The following BMERB1 variants were observed in gnomAD, a reference collection of about 807,000 sequenced individuals.
BMERB1 encodes bMERB domain containing 1.
BMERB1 carries 12 observed loss-of-function variants against 23.6 expected under a neutral mutation model. The observed-to-expected ratio is 0.51, with a 90% CI of 0.33 to 0.82. The LOEUF (loss-of-function observed/expected upper bound fraction) is 0.82, where lower values mean the gene tolerates loss of function less well. BMERB1 is among the 40% of genes least tolerant of loss of function. The pLI is 0.03. For synonymous variants in BMERB1, 122 were observed against 96.6 expected, an observed-to-expected ratio of 1.26 and a Z score of -1.54; for missense variants, 247 against 255.4, an observed-to-expected ratio of 0.97 and a Z score of 0.22.
intron 1 of BMERB1, among the ~76,000 whole-genome samples, chr16:15,446,158 C>G (rs545298751): frequency 3.3e-5 from 5 of 152,282 alleles, no homozygotes; most frequent in South Asian, 2.1e-4. Context: ...ACTTGGGAGG[C>G]TGAGGCAGAA....
chr16:15,466,650 C>G (rs921134786), intron 1 of BMERB1, among the ~76,000 whole-genome samples: 1 of 152,076 alleles, frequency 6.6e-6, no homozygotes, highest in Non-Finnish European at 1.5e-5. Context: ...AATACAGTAT[C>G]AAAGACAGGA....
chr16:15,495,968 T>TGGC (rs1407748077), intron 1 of BMERB1, among the ~76,000 whole-genome samples: 2 of 152,032 alleles, frequency 1.3e-5, no homozygotes, highest in Non-Finnish European at 2.9e-5. Context: ...ATGGTGGTGG[T>TGGC]GGCAATGATG....
At chr16:15,515,023 A>G (rs1225040343) in intron 1 of BMERB1, among the ~76,000 whole-genome samples, 1 of 152,188 alleles carries the variant, frequency 6.6e-6, no homozygotes, top group African/African-American at 2.4e-5. Flanking sequence ...TGGAGCTTGC[A>G]GTGAGCCGAG....
chr16:15,542,889 C>T (rs968774892), intron 2 of BMERB1, among the ~76,000 whole-genome samples: 3 of 151,904 alleles, frequency 2.0e-5, no homozygotes, highest in African/African-American at 7.3e-5. Context: ...GGGCTCTGGT[C>T]CCATGGCAGC....
intron 2 of BMERB1, among the ~76,000 whole-genome samples, chr16:15,535,648 CA>C (rs34379447): frequency 0.01 from 1,015 of 100,628 alleles, 5 homozygotes; most frequent in African/African-American, 0.032. Flanking sequence ...GACTCCATCT[CA>C]AAAAAAAAAA....
chr16:15,503,254 C>G (rs1049012956), intron 1 of BMERB1, among the ~76,000 whole-genome samples: 11 of 152,118 alleles, frequency 7.2e-5, no homozygotes, highest in African/African-American at 2.7e-4. Flanking sequence ...AAATATTTCA[C>G]CCTGTTATAT....
intron 3 of BMERB1, among the ~76,000 whole-genome samples, chr16:15,579,230 G>A (rs1288651850): frequency 2.0e-5 from 3 of 152,196 alleles, no homozygotes; most frequent in African/African-American, 7.2e-5. Context: ...TCCTGAGTGA[G>A]CAGGGGTCCT....
At chr16:15,444,123 GTTTTTTTTTTTTTTTT>G (rs150793082) in intron 1 of BMERB1, among the ~76,000 whole-genome samples, 2 of 35,610 alleles carry the variant, frequency 5.6e-5, no homozygotes, top group South Asian at 2.6e-3. Flanking sequence ...CACCAGCTTT[GTTTTTTTTTTTTTTTT>G]TTTTTTTTTT....
At chr16:15,452,857 AAGACAGCATTTC>A (rs1242774866) in intron 1 of BMERB1, among the ~76,000 whole-genome samples, 2 of 152,180 alleles carry the variant, frequency 1.3e-5, no homozygotes, top group African/African-American at 4.8e-5. Context: ...CCAGTTCCCT[AAGACAGCATTTC>A]ACGGGTGAGG....
intron 3 of BMERB1, among the ~76,000 whole-genome samples, chr16:15,580,291 G>A (rs887117638): frequency 4.6e-5 from 7 of 151,964 alleles, no homozygotes; most frequent in Non-Finnish European, 1.0e-4. Context: ...TGTAGACATA[G>A]GAGGGTCTCA....
chr16:15,576,121 C>G (rs959109374), intron 3 of BMERB1, among the ~76,000 whole-genome samples: 8 of 150,860 alleles, frequency 5.3e-5, no homozygotes, highest in African/African-American at 2.0e-4. Flanking sequence ...TCACTGCAGT[C>G]TCCGCCTCCG....
intron 2 of BMERB1, among the ~76,000 whole-genome samples, chr16:15,524,286 G>C (rs1255084049): frequency 6.6e-6 from 1 of 152,118 alleles, no homozygotes; most frequent in Admixed American, 6.6e-5. Flanking sequence ...GTTTGTCTTG[G>C]ACAAAATATA....
At position 15,587,655 on chromosome 16, in the gene BMERB1, C is replaced by G. The variant is rs185880129; in HGVS notation, c.*826C>G. The stretch of plus-strand genomic sequence containing the variant: ...GGGCACTCCACCATTCCGGGGCCAC[C>G]ACAGAGATGCCAGCAGGATGCCACT... On this transcript the variant is annotated 3_prime_UTR_variant, in exon 6 of 6. Coordinates refer to ENST00000300006, the MANE Select transcript of BMERB1 (RefSeq NM_033201.3). 248 of 331,336 alleles carry G rather than the reference C, an allele frequency of 7.5e-4. 1 individual carries two copies. Among genetic ancestry groups the G allele is most frequent in the African/African-American group, 5.1e-3 (233 of 45,914 alleles). 20.5% of individuals were successfully genotyped at this position (331,336 alleles called of 1,614,324 possible). A position where few individuals can be genotyped will look rare whatever the true frequency, so the allele number is the denominator to read the frequency against.
chr16:15,497,563 G>C (rs762424253), intron 1 of BMERB1, among the ~76,000 whole-genome samples: 2 of 152,216 alleles, frequency 1.3e-5, no homozygotes, highest in African/African-American at 4.8e-5. Context: ...TTTCACGTCC[G>C]TTGGGCCTCT....
intron 5 of BMERB1, among the ~76,000 whole-genome samples, chr16:15,584,557 CAAA>C (rs35390787): frequency 2.4e-5 from 3 of 125,142 alleles, no homozygotes; most frequent in South Asian, 2.5e-4. Context: ...GACTCCATCT[CAAA>C]AAAAAAAAAA....
intron 1 of BMERB1, among the ~76,000 whole-genome samples, chr16:15,474,619 T>A (rs1178523924): frequency 6.6e-6 from 1 of 152,090 alleles, no homozygotes; most frequent in East Asian, 1.9e-4. Flanking sequence ...GCCTCAAACG[T>A]TCCTCCTGCC....
At chr16:15,513,963 A>G (rs2051711188) in intron 1 of BMERB1, among the ~76,000 whole-genome samples, 1 of 152,172 alleles carries the variant, frequency 6.6e-6, no homozygotes, top group Admixed American at 6.5e-5. Flanking sequence ...ATATATTCAT[A>G]TATGTATATA....
At chr16:15,483,335 G>C (rs1278368938) in intron 1 of BMERB1, among the ~76,000 whole-genome samples, 2 of 152,124 alleles carry the variant, frequency 1.3e-5, no homozygotes, top group Non-Finnish European at 2.9e-5. Flanking sequence ...CCTCTACTAG[G>C]AGGCACTTGA....
chr16:15,464,644 C>G (rs1384366668), intron 1 of BMERB1, among the ~76,000 whole-genome samples: 1 of 152,138 alleles, frequency 6.6e-6, no homozygotes, highest in African/African-American at 2.4e-5. Flanking sequence ...TCCTTTTAGA[C>G]TATATTGGGT....
Sources: allele counts gnomAD v4.1 joint callset (sites outside exome capture counted in the v4.1 genomes callset), GRCh38; gene constraint gnomAD v4.1.1; transcripts MANE v1.5; gene names NCBI Gene and HGNC (gene_info 2026-07-23, HGNC 2026-07-21).